LONRF1: variants seen among roughly 807,000 people sequenced by gnomAD.
LONRF1 encodes LON peptidase N-terminal domain and RING finger protein 1.
LONRF1 carries 37 observed loss-of-function variants against 85.8 expected under a neutral mutation model. The ratio of observed to expected loss-of-function variants is 0.43; its 90% CI spans 0.33 to 0.57. The LOEUF is 0.57. Among genes scored for constraint, LONRF1 ranks in the 20% least tolerant of loss-of-function variants. LONRF1 has a pLI of 0.04. For synonymous variants in LONRF1, 517 were observed against 390.1 expected (o/e 1.33, Z -3.83); for missense variants, 1,036 against 978.0 (o/e 1.06, Z -0.79).
intron 3 of LONRF1, 147 bp from the exon 4 acceptor site, chr8:12,738,291 G>A (rs764565780): frequency 4.9e-5 from 27 of 548,186 alleles, no homozygotes; most frequent in Non-Finnish European, 7.9e-5. Context: ...AAGCAACACT[G>A]TAAGTTCAAA....
At chr8:12,737,476 G>T in intron 4 of LONRF1, 1 of 400,882 alleles carries the variant, frequency 2.5e-6, no homozygotes, top group Non-Finnish European at 4.7e-6. Flanking sequence ...CATTGTATTA[G>T]GTATTATAAG....
intron 7 of LONRF1, among the ~76,000 whole-genome samples, chr8:12,732,610 G>C (rs4272378): frequency 0.8 from 121,972 of 152,170 alleles, 49,508 homozygotes; most frequent in East Asian, 0.94. Flanking sequence ...TGCAAAACAT[G>C]TCTATCCTTC....
At chr8:12,732,344 T>C (rs1484247089) in intron 7 of LONRF1, among the ~76,000 whole-genome samples, 1 of 152,232 alleles carries the variant, frequency 6.6e-6, no homozygotes, top group African/African-American at 2.4e-5. Flanking sequence ...TTTCTTCCAT[T>C]GTCACCCACT....
At chr8:12,730,876 C>G (rs1206051277) in intron 8 of LONRF1, among the ~76,000 whole-genome samples, 2 of 151,830 alleles carry the variant, frequency 1.3e-5, no homozygotes, top group Admixed American at 6.6e-5. Flanking sequence ...AAGTGACATA[C>G]AAAATGTTCA....
rs751536636 is a variant in LONRF1, at chr8:12,728,928, G to A, written c.1983C>T (p.Ala661=). 1.2e-5 allele frequency: 20 copies of A among 1,613,702 alleles called. No homozygotes were observed. Among genetic ancestry groups the A allele is most frequent in the African/African-American group, 6.7e-5 (5 of 74,880 alleles). The change falls in exon 10 of 12, where the codon GCC becomes GCT. Residue 661 remains alanine (A), a synonymous_variant. Coordinates refer to ENST00000398246, the MANE Select transcript of LONRF1 (RefSeq NM_152271.5). ...KRGMKDGYCT[A]DIEYLEDVKV... is the part of the protein sequence containing the mutation. ...TAACATCTTCCAGATATTCAATGTC[G>A]GCAGTGCAATATCCATCTTTCATTC...
chr8:12,736,778 A>G lies in LONRF1; in HGVS notation c.1374T>C (p.Cys458=), dbSNP rs1798731644. 1 of 1,609,358 alleles carries G rather than the reference A, an allele frequency of 6.2e-7. No homozygotes were observed. The highest frequency in any genetic ancestry group is 1.7e-5 in the Admixed American group (1 of 59,216). Residue 458 remains cysteine (C), a synonymous_variant, in exon 6 of 12, where the codon TGT becomes TGC. Coordinates refer to ENST00000398246, the MANE Select transcript of LONRF1 (RefSeq NM_152271.5). Reference sequence around the variant, plus strand: ...TATCACCATAAGCTAAGGAAAACATACAGACTTCATTGGGAGTTTCTATTA... The same window carrying G: ...TATCACCATAAGCTAAGGAAAACATGCAGACTTCATTGGGAGTTTCTATTA... ...KKQGETPNEV[C]MFSLAYGDIP...
In LONRF1 at chr8:12,728,985, A is replaced by C; in HGVS notation, c.1926T>G (p.Val642=). ...TTAAAACCCTAAACCGCTTTCCTCC[A>C]ACTGTATCAACCACAGACCTTCCGT... ...LPDGRSVVDT[V]GGKRFRVLKR... The change falls in exon 10 of 12, where the codon GTT becomes GTG. Residue 642 remains valine, a synonymous_variant. Transcript: ENST00000398246. 6.2e-7 allele frequency: 1 copy of C among 1,614,032 alleles called. No homozygotes were observed. Among genetic ancestry groups the C allele is most frequent in the South Asian group, 1.1e-5 (1 of 91,078 alleles).
rs1046776192 is a variant in LONRF1 at position 12,722,288 on chromosome 8, T to C, written c.*808A>G. 1.3e-5 allele frequency: 2 copies of C among 152,656 alleles called. No homozygotes were observed. Among genetic ancestry groups the C allele is most frequent in the African/African-American group, 4.8e-5 (2 of 41,456 alleles). 9.5% of individuals were successfully genotyped at this position (152,656 alleles called of 1,614,324 possible). On this transcript the variant is annotated 3_prime_UTR_variant, in exon 12 of 12. Coordinates refer to ENST00000398246, the MANE Select transcript of LONRF1 (RefSeq NM_152271.5). Reference sequence around the variant, plus strand: ...TGGGCAGTTAATGTGAAAAGCCCCCTAAAATGTACAAACTAACTGGTACTG... The same window carrying C: ...TGGGCAGTTAATGTGAAAAGCCCCCCAAAATGTACAAACTAACTGGTACTG...
intron 6 of LONRF1, among the ~76,000 whole-genome samples, chr8:12,736,261 T>C (rs1415421399): frequency 6.6e-6 from 1 of 152,204 alleles, no homozygotes; most frequent in East Asian, 1.9e-4. Context: ...GAAATCCTTA[T>C]CCTTATGTTA....
intron 3 of LONRF1, among the ~76,000 whole-genome samples, chr8:12,740,262 G>A (rs995337085): frequency 6.6e-6 from 1 of 152,190 alleles, no homozygotes; most frequent in African/African-American, 2.4e-5. Flanking sequence ...TGCAAGAGCT[G>A]AGTGCTATTT....
At chr8:12,739,935 T>C (rs1308239426) in intron 3 of LONRF1, among the ~76,000 whole-genome samples, 1 of 152,166 alleles carries the variant, frequency 6.6e-6, no homozygotes, top group Non-Finnish European at 1.5e-5. Flanking sequence ...GCTGGATTCT[T>C]AAGGCGGCTG....
intron 7 of LONRF1, 88 bp downstream of exon 7, chr8:12,735,198 T>A: frequency 1.2e-6 from 1 of 808,538 alleles, no homozygotes; most frequent in Non-Finnish European, 2.0e-6. Context: ...ATTCTGAACG[T>A]GATCATCACT....
At chr8:12,743,540 T>C (rs980667093) in intron 1 of LONRF1, among the ~76,000 whole-genome samples, 3 of 152,196 alleles carry the variant, frequency 2.0e-5, no homozygotes, top group African/African-American at 7.2e-5. Flanking sequence ...AATACTTTTA[T>C]AATATGAATA....
intron 11 of LONRF1, among the ~76,000 whole-genome samples, chr8:12,723,615 A>G (rs922399299): frequency 6.6e-6 from 1 of 152,218 alleles, no homozygotes; most frequent in Admixed American, 6.5e-5. Flanking sequence ...TATGCACTAG[A>G]GCACATTCAG....
chr8:12,755,265 G>A lies in LONRF1; in HGVS notation c.156C>T (p.Leu52=). The change falls in exon 1 of 12, where the codon CTC becomes CTT. Residue 52 remains leucine, a synonymous_variant. Transcript: ENST00000398246. ...AAESERWELL[L]RRGELLALGG... ...CCAGCGCCAGCAGCTCCCCGCGGCG[G>A]AGCAGCAGCTCCCAGCGCTCCGACT... is the stretch of plus-strand genomic sequence containing the variant. The A allele has an allele frequency of 8.1e-7, 1 of 1,237,176 alleles. No individual in the cohort carries two copies. The highest frequency in any genetic ancestry group is 1.0e-6 in the Non-Finnish European group (1 of 992,522). 76.6% of individuals were successfully genotyped at this position (1,237,176 alleles called of 1,614,324 possible). A position where few individuals can be genotyped will look rare whatever the true frequency, so the allele number is the denominator to read the frequency against.
Position 12,722,920 on chromosome 8 carries a change from T to A in LONRF1, c.*176A>T. The A allele has an allele frequency of 1.7e-6, 1 of 581,718 alleles. No homozygotes were observed. Among genetic ancestry groups the A allele is most frequent in the Non-Finnish European group, 3.0e-6 (1 of 336,158 alleles). 36.0% of individuals were successfully genotyped at this position (581,718 alleles called of 1,614,324 possible). A position where few individuals can be genotyped will look rare whatever the true frequency, so the allele number is the denominator to read the frequency against. ...GTTTTTCTGTGCAAGTTCTTAGTGGTCTAAATCCTAGTTGAAGGTATTCAT... is the reference window on the plus strand; with the variant it reads ...GTTTTTCTGTGCAAGTTCTTAGTGGACTAAATCCTAGTTGAAGGTATTCAT... On this transcript the variant is annotated 3_prime_UTR_variant, in exon 12 of 12. Transcript: ENST00000398246.
intron 6 of LONRF1, 97 bp downstream of exon 6, chr8:12,736,604 G>A (rs971516077): frequency 5.0e-5 from 40 of 805,928 alleles, no homozygotes; most frequent in African/African-American, 1.8e-5. Flanking sequence ...TTCCAGCATT[G>A]TGTTACTTTA....
chr8:12,729,964 C>A (rs141479504), intron 8 of LONRF1, among the ~76,000 whole-genome samples: 14 of 152,176 alleles, frequency 9.2e-5, no homozygotes, highest in African/African-American at 3.4e-4. Flanking sequence ...CACTCTGAAA[C>A]AGCACAGGCA....
chr8:12,731,967 T>C, intron 7 of LONRF1, 110 bp from the exon 8 acceptor site: 1 of 1,028,598 alleles, frequency 9.7e-7, no homozygotes, highest in East Asian at 2.5e-5. Flanking sequence ...ATACCATCAA[T>C]TCTGGATTAA....
Sources: allele counts gnomAD v4.1 joint callset (sites outside exome capture counted in the v4.1 genomes callset), GRCh38; gene constraint gnomAD v4.1.1; transcripts MANE v1.5; gene names NCBI Gene and HGNC (gene_info 2026-07-23, HGNC 2026-07-21).